The following R3HCC1L variants were observed in gnomAD, a reference collection of about 807,000 sequenced individuals.
The protein encoded by R3HCC1L is coiled-coil domain-containing protein R3HCC1L.
Under a neutral mutation model 59.9 loss-of-function variants are expected in R3HCC1L, and 51 were observed. The observed-to-expected ratio is 0.85, with a 90% CI of 0.68 to 1.07. The LOEUF is 1.07. R3HCC1L is among the 50% of genes least tolerant of loss of function. R3HCC1L has a pLI of 0.00. For missense variants in R3HCC1L, 965 were observed against 933.0 expected, an observed-to-expected ratio of 1.03 and a Z score of -0.45; for synonymous variants, 322 against 315.2, an observed-to-expected ratio of 1.02 and a Z score of -0.23.
intron 5 of R3HCC1L, among the ~76,000 whole-genome samples, chr10:98,225,019 C>T (rs1255320732): frequency 6.6e-6 from 1 of 152,036 alleles, no homozygotes; most frequent in Non-Finnish European, 1.5e-5. Context: ...GTTCAAAATA[C>T]CATTTCAACA....
chr10:98,137,108 G>A (rs760004175), intron 1 of R3HCC1L, among the ~76,000 whole-genome samples: 2 of 152,022 alleles, frequency 1.3e-5, no homozygotes, highest in Non-Finnish European at 2.9e-5. Flanking sequence ...GTCCTCAGGA[G>A]CCTGAGGTAG....
Position 98,151,904 on chromosome 10 carries a change from C to T in R3HCC1L, c.-267-4189C>T, listed in dbSNP as rs549323936. Among the ~76,000 whole-genome samples, 8 of 152,216 alleles carry T rather than the reference C, an allele frequency of 5.3e-5. No individual in the cohort carries two copies. In the South Asian group the frequency reaches 6.2e-4, roughly 12 times the overall value. ...GTCTGTTGAGTAAGAAATTCCAGCT[C>T]GCTCTCTCTCTCTCCCTCTCCCTCT... On this transcript the variant is annotated intron_variant, in intron 1 of 9. Transcript: ENST00000298999.
chr10:98,237,618 CTA>C (rs1480854015), intron 9 of R3HCC1L, among the ~76,000 whole-genome samples: 4 of 152,164 alleles, frequency 2.6e-5, no homozygotes, highest in African/African-American at 9.7e-5. Context: ...AGCGGGTACT[CTA>C]TTGCTTTTCT....
At chr10:98,218,454 C>G (rs1169477258) in intron 5 of R3HCC1L, among the ~76,000 whole-genome samples, 1 of 151,890 alleles carries the variant, frequency 6.6e-6, no homozygotes, top group African/African-American at 2.4e-5. Context: ...GTTAGTCTAG[C>G]TGGTGTTTTA....
chr10:98,229,814 C>G (rs1001666161), intron 5 of R3HCC1L, among the ~76,000 whole-genome samples: 8 of 152,100 alleles, frequency 5.3e-5, no homozygotes, highest in Admixed American at 5.2e-4. Context: ...TTGTCAAAGA[C>G]CTTTTCTGCA....
chr10:98,161,597 C>A (rs376602523), intron 2 of R3HCC1L, among the ~76,000 whole-genome samples: 1 of 152,130 alleles, frequency 6.6e-6, no homozygotes, highest in Admixed American at 6.5e-5. Flanking sequence ...GTGTTTTCTT[C>A]TAATACTTCT....
chr10:98,152,998 C>T (rs1464018556), intron 1 of R3HCC1L, among the ~76,000 whole-genome samples: 2 of 137,712 alleles, frequency 1.5e-5, no homozygotes, highest in Non-Finnish European at 3.2e-5. Context: ...GAGGTGGGGG[C>T]CCGCCTCCGC....
intron 1 of R3HCC1L, among the ~76,000 whole-genome samples, chr10:98,143,303 C>G (rs1234571242): frequency 6.6e-6 from 1 of 152,190 alleles, no homozygotes; most frequent in East Asian, 1.9e-4. Flanking sequence ...TTCTCTCTTA[C>G]CATCACACGT....
At chr10:98,174,824 T>C (rs1848842290) in intron 4 of R3HCC1L, 1 of 937,564 alleles carries the variant, frequency 1.1e-6, no homozygotes, top group African/African-American at 1.8e-5. Flanking sequence ...AGTGAGAAAG[T>C]CTAGAAAAAA....
At chr10:98,172,567 A>G (rs1848619394) in intron 4 of R3HCC1L, among the ~76,000 whole-genome samples, 2 of 152,238 alleles carry the variant, frequency 1.3e-5, no homozygotes, top group Non-Finnish European at 2.9e-5. Context: ...TGGAGGCTCC[A>G]TAGAAGCTGG....
At chr10:98,228,818 C>G (rs1461689249) in intron 5 of R3HCC1L, among the ~76,000 whole-genome samples, 2 of 152,176 alleles carry the variant, frequency 1.3e-5, no homozygotes, top group East Asian at 1.9e-4. Context: ...CCAGTTTTCC[C>G]AGCACCATTT....
chr10:98,139,588 C>T (rs1590366622), intron 1 of R3HCC1L, among the ~76,000 whole-genome samples: 1 of 152,174 alleles, frequency 6.6e-6, no homozygotes, highest in Admixed American at 6.5e-5. Flanking sequence ...ATGGATGAAG[C>T]TTGGGGAACT....
At chr10:98,144,164 A>G (rs10748714) in intron 1 of R3HCC1L, among the ~76,000 whole-genome samples, 103,135 of 151,972 alleles carry the variant, frequency 0.68, 35,158 homozygotes, top group African/African-American at 0.76. Context: ...TGTGGAATGT[A>G]GCATGAGTTA....
intron 4 of R3HCC1L, among the ~76,000 whole-genome samples, chr10:98,180,445 C>CT (rs1590587623): frequency 6.6e-6 from 1 of 152,104 alleles, no homozygotes; most frequent in East Asian, 1.9e-4. Context: ...GATTTCTGTT[C>CT]TTTTTGATTT....
At chr10:98,223,521 T>G (rs1233934741) in intron 5 of R3HCC1L, among the ~76,000 whole-genome samples, 1 of 151,984 alleles carries the variant, frequency 6.6e-6, no homozygotes, top group African/African-American at 2.4e-5. Context: ...ATGGATTGGC[T>G]TTCATAGGGA....
chr10:98,180,378 T>A (rs922235800), intron 4 of R3HCC1L, among the ~76,000 whole-genome samples: 4 of 152,150 alleles, frequency 2.6e-5, no homozygotes, highest in Non-Finnish European at 4.4e-5. Context: ...TTTGAGTGAG[T>A]TTCTTAATCC....
intron 1 of R3HCC1L, among the ~76,000 whole-genome samples, chr10:98,136,845 C>G (rs1844634749): frequency 6.6e-6 from 1 of 152,136 alleles, no homozygotes; most frequent in South Asian, 2.1e-4. Flanking sequence ...GGGCATAACA[C>G]TAAGTTTGGA....
intron 4 of R3HCC1L, among the ~76,000 whole-genome samples, chr10:98,170,691 A>G (rs748323638): frequency 3.3e-5 from 5 of 152,176 alleles, no homozygotes; most frequent in Non-Finnish European, 7.3e-5. Flanking sequence ...GTAGTGACAC[A>G]TTTTGGCCAC....
intron 4 of R3HCC1L, chr10:98,174,480 G>A: frequency 4.2e-6 from 3 of 708,920 alleles, no homozygotes; most frequent in Non-Finnish European, 5.2e-6. Flanking sequence ...GATACTATCT[G>A]CCCTCAAGAA....
Sources: gnomAD v4.1 joint callset for allele counts (sites outside exome capture counted in the v4.1 genomes callset) on GRCh38, gnomAD v4.1.1 for gene constraint, MANE v1.5 for transcripts, NCBI Gene and HGNC (gene_info 2026-07-23, HGNC 2026-07-21) for gene names.